The following CUX2 variants were observed in gnomAD, a reference collection of about 807,000 sequenced individuals.
The protein encoded by CUX2 is cut like homeobox 2.
CUX2 carries 40 observed loss-of-function variants against 144.8 expected under a neutral mutation model. The observed-to-expected ratio is 0.28, with a 90% CI of 0.21 to 0.36. The LOEUF is 0.36. Ranked by LOEUF, CUX2 falls within the 10% of genes least tolerant of loss-of-function variation. The probability of loss-of-function intolerance (pLI) is 1.00; values close to 1 mark genes in which losing one functional copy is unlikely to be tolerated. For synonymous variants in CUX2, 827 were observed against 875.6 expected (o/e 0.94, Z 0.98); for missense variants, 1,615 against 1,994.0 (o/e 0.81, Z 3.62).
intron 1 of CUX2, among the ~76,000 whole-genome samples, chr12:111,177,107 G>A (rs539008352): frequency 3.3e-5 from 5 of 152,218 alleles, no homozygotes; most frequent in East Asian, 3.9e-4. Context: ...GGTCTTCCCC[G>A]TGCTGGGCTC....
chr12:111,308,381 C>G (rs551327180), intron 13 of CUX2, 46 bp from the exon 14 acceptor site: 15 of 1,613,812 alleles, frequency 9.3e-6, no homozygotes, highest in Non-Finnish European at 1.1e-5. Flanking sequence ...CCCCAGTGAG[C>G]CTTCCGCCCA....
rs1884243539 is a variant in CUX2 at position 111,263,668 on chromosome 12, G to C, written c.223-93G>C. 3.1e-6 allele frequency: 3 copies of C among 982,142 alleles called. No homozygotes were observed. The highest frequency in any genetic ancestry group is 2.7e-5 in the South Asian group (2 of 73,750). The allele number at this position is 982,142 out of a possible 1,614,324, so 60.8% of individuals were successfully genotyped here. On this transcript the variant is annotated intron_variant, in intron 3 of 21. Coordinates refer to ENST00000261726, the MANE Select transcript of CUX2 (RefSeq NM_015267.4). This position sits in a 1 kb window ranked among gnomAD's most constrained non-coding sequence, Gnocchi z 4.0. The stretch of plus-strand genomic sequence containing the variant: ...AACAAAACAAAACAAAAAACCTGCA[G>C]ATGTTTTCTTGTGGAAAAAAAAAAT...
chr12:111,306,845 T>C, intron 10 of CUX2, 76 bp from the exon 11 acceptor site: 1 of 1,255,176 alleles, frequency 8.0e-7, no homozygotes, highest in Non-Finnish European at 1.1e-6. Context: ...CTGCTTGGGA[T>C]TCAGGGGTGG....
chr12:111,116,781 GA>G (rs140183870), intron 1 of CUX2, among the ~76,000 whole-genome samples: 1 of 151,976 alleles, frequency 6.6e-6, no homozygotes, highest in East Asian at 1.9e-4. Flanking sequence ...AGAGCAATGG[GA>G]AAAAAAATCT....
intron 3 of CUX2, among the ~76,000 whole-genome samples, chr12:111,261,310 A>C (rs1053545697): frequency 6.6e-6 from 1 of 152,186 alleles, no homozygotes; most frequent in Non-Finnish European, 1.5e-5. Flanking sequence ...TCTCATGAAT[A>C]GTAAAAGCTT....
intron 18 of CUX2, among the ~76,000 whole-genome samples, chr12:111,324,523 CAG>C (rs1299395520): frequency 7.4e-6 from 1 of 134,856 alleles, no homozygotes; most frequent in Admixed American, 7.1e-5. Context: ...TGTTTTGAGA[CAG>C]AGTCTTGCTC....
At chr12:111,080,839 A>G (rs1871845459) in intron 1 of CUX2, among the ~76,000 whole-genome samples, 1 of 152,244 alleles carries the variant, frequency 6.6e-6, no homozygotes, top group Non-Finnish European at 1.5e-5. Context: ...TTCCTGGTAT[A>G]TAATAAGCAC....
At chr12:111,334,739 T>C (rs200418256) in intron 19 of CUX2, 29 bp downstream of exon 19, 116 of 1,561,750 alleles carry the variant, frequency 7.4e-5, no homozygotes, top group Non-Finnish European at 9.8e-5. Flanking sequence ...TCGGAGAGGC[T>C]GCCTCCCACC....
chr12:111,209,285 T>C (rs560276424), intron 1 of CUX2, among the ~76,000 whole-genome samples: 3 of 152,276 alleles, frequency 2.0e-5, no homozygotes, highest in African/African-American at 7.2e-5. Flanking sequence ...TAGTCCCAGC[T>C]ACCCAGGAGG....
chr12:111,299,220 C>T (rs1886164067), intron 9 of CUX2, among the ~76,000 whole-genome samples: 1 of 152,238 alleles, frequency 6.6e-6, no homozygotes, highest in African/African-American at 2.4e-5. Flanking sequence ...AGAAGATGCC[C>T]ACCCGCCCTG....
intron 16 of CUX2, among the ~76,000 whole-genome samples, chr12:111,314,639 TAA>T (rs954472479): frequency 5.8e-3 from 135 of 23,198 alleles, no homozygotes; most frequent in African/African-American, 0.021. Context: ...AAACTCAGTC[TAA>T]AAAAAAAAAA....
At position 111,143,922 on chromosome 12, in the gene CUX2, G is replaced by A. The variant is rs1876497039; in HGVS notation, c.64-70278G>A. ...CTTTGTGTTTCCTTGGTGCCTGCTT[G>A]ACATCACTAGCAGAGTCTGTTTATC... On this transcript the variant is annotated intron_variant, in intron 1 of 21. Coordinates refer to ENST00000261726, the MANE Select transcript of CUX2 (RefSeq NM_015267.4). Among the ~76,000 whole-genome samples, 3 of 152,314 alleles carry A rather than the reference G, an allele frequency of 2.0e-5. No homozygotes were observed. The South Asian group carries it at 6.2e-4, about 32-fold the overall frequency.
rs1158718840 is a variant in CUX2 at position 111,349,062 on chromosome 12, G to T, written c.*737G>T. 2.6e-5 allele frequency: 4 copies of T among 152,638 alleles called. No homozygotes were observed. The highest frequency in any genetic ancestry group is 5.9e-5 in the Non-Finnish European group (4 of 68,060). 9.5% of individuals were successfully genotyped at this position (152,638 alleles called of 1,614,324 possible). A position where few individuals can be genotyped will look rare whatever the true frequency, so the allele number is the denominator to read the frequency against. ...GTGCCATTGTAAATGTTGTAGAGAT[G>T]TGGGCCGTGGCCCAACCGTCCTATA... On this transcript the variant is annotated 3_prime_UTR_variant, in exon 22 of 22. Transcript: ENST00000261726.
chr12:111,129,888 C>T (rs974748571), intron 1 of CUX2, among the ~76,000 whole-genome samples: 2 of 152,102 alleles, frequency 1.3e-5, no homozygotes, highest in Non-Finnish European at 2.9e-5. Context: ...CCATAGAATG[C>T]ATTTGGGACC....
At position 111,276,123 on chromosome 12, in the gene CUX2, C is replaced by T. The variant is rs137904381; in HGVS notation, c.301+12284C>T. Among the ~76,000 whole-genome samples the T allele has an allele frequency of 7.2e-3, 1,088 of 152,088 alleles. 18 individuals carry two copies. Among genetic ancestry groups the T allele is most frequent in the African/African-American group, 0.025 (1,040 of 41,464 alleles). On this transcript the variant is annotated intron_variant, in intron 4 of 21. Transcript: ENST00000261726. ...ATCAAAGCACTTTGGAAGGCTGAGG[C>T]GGGAGGATTGCTTGAGTCCAGGAGT...
At chr12:111,198,556 C>T (rs1880381637) in intron 1 of CUX2, among the ~76,000 whole-genome samples, 1 of 151,744 alleles carries the variant, frequency 6.6e-6, no homozygotes, top group South Asian at 2.1e-4. Context: ...ACAAAACAGA[C>T]AAGAGTCCCT....
intron 1 of CUX2, among the ~76,000 whole-genome samples, chr12:111,067,966 C>A (rs1051798362): frequency 6.6e-6 from 1 of 152,154 alleles, no homozygotes; most frequent in African/African-American, 2.4e-5. Context: ...CACCCCCTGC[C>A]TCAGATTCTT....
At chr12:111,166,285 G>A (rs1878136517) in intron 1 of CUX2, among the ~76,000 whole-genome samples, 1 of 152,200 alleles carries the variant, frequency 6.6e-6, no homozygotes, top group Admixed American at 6.5e-5. Context: ...GCTTCCCAAA[G>A]CACTGGGATT....
At position 111,106,696 on chromosome 12, in the gene CUX2, C is replaced by T. The variant is rs529566066; in HGVS notation, c.63+72456C>T. Among the ~76,000 whole-genome samples the T allele has an allele frequency of 6.6e-5, 10 of 152,276 alleles. No individual in the cohort carries two copies. The South Asian group carries it at 1.2e-3, about 19-fold the overall frequency. On this transcript the variant is annotated intron_variant, in intron 1 of 21. Transcript: ENST00000261726. ...GACTGAGGCAATCCTGGAAGACTTC[C>T]GCGAGAAGGGCCTTGAATGATGACA...
Sources: allele counts gnomAD v4.1 joint callset (sites outside exome capture counted in the v4.1 genomes callset), GRCh38; gene constraint gnomAD v4.1.1; non-coding constraint Gnocchi (gnomAD v3.1); transcripts MANE v1.5; gene names NCBI Gene and HGNC (gene_info 2026-07-23, HGNC 2026-07-21).